The following FHOD3 variants were observed in gnomAD, a reference collection of about 807,000 sequenced individuals.
FHOD3 encodes the protein formin homology 2 domain containing 3, also known as FH1/FH2 domain-containing protein 3.
In FHOD3, 90 loss-of-function variants were observed where a neutral mutation model predicts 173.0. That is an observed-to-expected ratio of 0.52 (90% confidence interval 0.44 to 0.62). FHOD3 has a LOEUF of 0.62. Among genes scored for constraint, FHOD3 ranks in the 20% least tolerant of loss-of-function variants. The probability of loss-of-function intolerance (pLI) is 0.00; values close to 1 mark genes in which losing one functional copy is unlikely to be tolerated. For synonymous variants in FHOD3, 828 were observed against 823.0 expected (o/e 1.01, Z -0.10); for missense variants, 1,945 against 2,034.7 (o/e 0.96, Z 0.85).
At chr18:36,587,299 A>G (rs774632879) in intron 6 of FHOD3, among the ~76,000 whole-genome samples, 23 of 151,672 alleles carry the variant, frequency 1.5e-4, no homozygotes, top group Non-Finnish European at 2.6e-4. Context: ...GAAGTTAGAA[A>G]CTCTTCAGAG....
chr18:36,440,734 C>G (rs934341916), intron 3 of FHOD3, among the ~76,000 whole-genome samples: 1 of 152,236 alleles, frequency 6.6e-6, no homozygotes, highest in Non-Finnish European at 1.5e-5. Flanking sequence ...CTATTAATAT[C>G]TCCCCACATA....
chr18:36,763,255 TA>T (rs1446631418), intron 27 of FHOD3, among the ~76,000 whole-genome samples: 20 of 146,600 alleles, frequency 1.4e-4, no homozygotes, highest in African/African-American at 4.2e-4. Context: ...ACACGTTATA[TA>T]CAATATGCGT....
At chr18:36,313,184 C>G (rs1331047021) in intron 1 of FHOD3, among the ~76,000 whole-genome samples, 1 of 152,156 alleles carries the variant, frequency 6.6e-6, no homozygotes, top group Non-Finnish European at 1.5e-5. Context: ...TGGCTGTACT[C>G]TACTTGTTAG....
intron 3 of FHOD3, among the ~76,000 whole-genome samples, chr18:36,484,663 T>G (rs1237367688): frequency 3.3e-5 from 5 of 152,202 alleles, no homozygotes; most frequent in African/African-American, 1.2e-4. Context: ...AGTCGATGTT[T>G]GAGGGAGCCT....
chr18:36,708,462 G>A (rs886941833), intron 17 of FHOD3, among the ~76,000 whole-genome samples: 7 of 152,164 alleles, frequency 4.6e-5, no homozygotes, highest in African/African-American at 1.4e-4. Flanking sequence ...CAGACATAGC[G>A]ATTGGAAACA....
intron 4 of FHOD3, among the ~76,000 whole-genome samples, chr18:36,507,816 G>A (rs2055385238): frequency 6.6e-6 from 1 of 152,024 alleles, no homozygotes. Flanking sequence ...ATCCCCAACT[G>A]CAGTTGGGCT....
intron 14 of FHOD3, among the ~76,000 whole-genome samples, chr18:36,675,827 C>T (rs559967078): frequency 6.6e-6 from 1 of 152,160 alleles, no homozygotes; most frequent in East Asian, 1.9e-4. Flanking sequence ...AGGATCTGAC[C>T]CCAAAACGTA....
At position 36,745,049 on chromosome 18, in the gene FHOD3, AAG is replaced by A. The variant is rs530368093; in HGVS notation, c.4041+865_4041+866del. ...GTGTGTTGGAATCCAGCATGAGAGG[AAG>A]AGAGAGAGTGGTGGGCAAAGGTGGG... On this transcript the variant is annotated intron_variant, in intron 23 of 28. Transcript: ENST00000590592. Among the ~76,000 whole-genome samples, 658 of 152,200 alleles carry A rather than the reference AAG, an allele frequency of 4.3e-3. 2 individuals are homozygous for A. The highest frequency in any genetic ancestry group is 6.0e-3 in the Non-Finnish European group (406 of 67,988).
At chr18:36,574,490 T>C (rs535166164) in intron 5 of FHOD3, among the ~76,000 whole-genome samples, 1 of 152,302 alleles carries the variant, frequency 6.6e-6, no homozygotes, top group Non-Finnish European at 1.5e-5. Context: ...CTTTAACATA[T>C]TTGTTGTCAT....
chr18:36,773,305 G>C (rs916595157), intron 28 of FHOD3, among the ~76,000 whole-genome samples: 4 of 152,196 alleles, frequency 2.6e-5, no homozygotes, highest in African/African-American at 9.6e-5. Context: ...GGATGAAGGA[G>C]CAGTAAAAAG....
chr18:36,442,485 T>C (rs2051211821), intron 3 of FHOD3, among the ~76,000 whole-genome samples: 1 of 152,240 alleles, frequency 6.6e-6, no homozygotes, highest in South Asian at 2.1e-4. Flanking sequence ...CACACATTTT[T>C]CCTATTATCT....
intron 3 of FHOD3, among the ~76,000 whole-genome samples, chr18:36,378,433 C>T (rs1419582620): frequency 1.3e-5 from 2 of 151,886 alleles, no homozygotes; most frequent in African/African-American, 4.8e-5. Flanking sequence ...CCAAGGCGTG[C>T]ATGTGTCTAG....
intron 1 of FHOD3, among the ~76,000 whole-genome samples, chr18:36,329,438 C>G (rs1192953926): frequency 6.6e-6 from 1 of 152,188 alleles, no homozygotes; most frequent in African/African-American, 2.4e-5. Flanking sequence ...TATGTAATGG[C>G]AAGTAGCCAC....
At chr18:36,649,464 A>T in intron 11 of FHOD3, 59 bp downstream of exon 11, 1 of 1,331,778 alleles carries the variant, frequency 7.5e-7, no homozygotes, top group Non-Finnish European at 1.0e-6. Context: ...CTTCCTAATG[A>T]TAGTTCACTG....
intron 4 of FHOD3, among the ~76,000 whole-genome samples, chr18:36,502,244 T>G (rs2055072587): frequency 6.6e-6 from 1 of 151,822 alleles, no homozygotes. Context: ...CTTCTAGTTT[T>G]TTTTTTTTTT....
At chr18:36,414,684 C>A (rs1056777682) in intron 3 of FHOD3, among the ~76,000 whole-genome samples, 1 of 152,208 alleles carries the variant, frequency 6.6e-6, no homozygotes, top group Admixed American at 6.5e-5. Context: ...ACAGTGGCGG[C>A]AGTAGAAGCC....
At chr18:36,326,096 G>A (rs1030302487) in intron 1 of FHOD3, among the ~76,000 whole-genome samples, 2 of 152,204 alleles carry the variant, frequency 1.3e-5, no homozygotes, top group Non-Finnish European at 2.9e-5. Context: ...TGTGAGCATG[G>A]TGGTCAAGTC....
intron 24 of FHOD3, among the ~76,000 whole-genome samples, chr18:36,747,924 T>C (rs1242014153): frequency 6.6e-6 from 1 of 152,188 alleles, no homozygotes; most frequent in African/African-American, 2.4e-5. Context: ...CTGCCTTTCC[T>C]TTCTTTCCTC....
chr18:36,664,574 C>T (rs2037027025), intron 14 of FHOD3, among the ~76,000 whole-genome samples: 1 of 152,064 alleles, frequency 6.6e-6, no homozygotes, highest in South Asian at 2.1e-4. Context: ...CCCTAGGGAA[C>T]CTGGGCTGTG....
Sources: allele counts gnomAD v4.1 joint callset (sites outside exome capture counted in the v4.1 genomes callset), GRCh38; gene constraint gnomAD v4.1.1; transcripts MANE v1.5; gene names NCBI Gene and HGNC (gene_info 2026-07-23, HGNC 2026-07-21).